Variants in LINGO1 observed in about 807,000 individuals in gnomAD.
The protein encoded by LINGO1 is leucine-rich repeat and immunoglobulin-like domain-containing nogo receptor-interacting protein 1.
LINGO1 carries 11 observed loss-of-function variants against 37.3 expected under a neutral mutation model. That is an observed-to-expected ratio of 0.29 (90% CI 0.19 to 0.49). The LOEUF is 0.49. Among genes scored for constraint, LINGO1 ranks in the 20% least tolerant of loss-of-function variants. LINGO1 has a pLI of 0.99. For synonymous variants in LINGO1, 387 were observed against 403.0 expected (o/e 0.96, Z 0.48); for missense variants, 585 against 878.2 (o/e 0.67, Z 4.22).
chr15:77,691,782 T>C (rs1455760574), intron 1 of LINGO1, among the ~76,000 whole-genome samples: 1 of 151,852 alleles, frequency 6.6e-6, no homozygotes, highest in Non-Finnish European at 1.5e-5. Context: ...CCATTAAAAA[T>C]GATCAAGCAG....
chr15:77,776,107 T>C (rs909970096), intron 1 of LINGO1, among the ~76,000 whole-genome samples: 1 of 152,000 alleles, frequency 6.6e-6, no homozygotes, highest in East Asian at 1.9e-4. Context: ...TTTATGACAT[T>C]ACCCAAAAGC....
intron 1 of LINGO1, among the ~76,000 whole-genome samples, chr15:77,815,488 C>T (rs901683596): frequency 6.6e-6 from 1 of 152,200 alleles, no homozygotes; most frequent in Admixed American, 6.5e-5. Flanking sequence ...TTACAAAATC[C>T]CACTCAAACT....
intron 2 of LINGO1, among the ~76,000 whole-genome samples, chr15:77,703,157 T>C (rs965212088): frequency 3.3e-5 from 5 of 152,214 alleles, no homozygotes; most frequent in African/African-American, 4.8e-5. Context: ...TCCTTCTTCA[T>C]GTCAGCAGGG....
intron 3 of LINGO1, among the ~76,000 whole-genome samples, chr15:77,662,710 G>T (rs1214206380): frequency 4.6e-5 from 7 of 152,148 alleles, no homozygotes; most frequent in African/African-American, 1.7e-4. Context: ...AAGCCAGAAG[G>T]TCTCTGGTTC....
At chr15:77,745,125 T>TAA (rs74707319) in intron 1 of LINGO1, among the ~76,000 whole-genome samples, 62 of 91,038 alleles carry the variant, frequency 6.8e-4, no homozygotes, top group African/African-American at 2.3e-3. Context: ...GACTCTGTCT[T>TAA]AAAAAAAAAA....
intron 3 of LINGO1, among the ~76,000 whole-genome samples, chr15:77,654,979 GT>G (rs1472283512): frequency 1.3e-5 from 2 of 152,210 alleles, no homozygotes; most frequent in African/African-American, 4.8e-5. Context: ...CTTCTCTCCT[GT>G]TTTCCCTAGA....
At chr15:77,807,844 G>A (rs565293726) in intron 1 of LINGO1, among the ~76,000 whole-genome samples, 7 of 152,152 alleles carry the variant, frequency 4.6e-5, no homozygotes, top group South Asian at 4.2e-4. Context: ...TCCAGCGTTC[G>A]TTTGTATCAA....
chr15:77,652,862 T>C (rs1596052601), intron 3 of LINGO1, among the ~76,000 whole-genome samples: 1 of 152,188 alleles, frequency 6.6e-6, no homozygotes, highest in Non-Finnish European at 1.5e-5. Flanking sequence ...TGTGCCTCTG[T>C]CGCCCCACCT....
chr15:77,783,511 A>T (rs536323401), intron 1 of LINGO1, among the ~76,000 whole-genome samples: 1 of 152,262 alleles, frequency 6.6e-6, no homozygotes, highest in East Asian at 1.9e-4. Flanking sequence ...AACAGAATCT[A>T]TAATCAGGGC....
chr15:77,664,166 T>TGCGCGCGCGC (rs1225533245), intron 3 of LINGO1, among the ~76,000 whole-genome samples: 3,746 of 122,532 alleles, frequency 0.031, 79 homozygotes, highest in Non-Finnish European at 0.043. Context: ...TGTGTGTGTG[T>TGCGCGCGCGC]GTGTGCGCGC....
At chr15:77,686,497 C>T (rs796551568) in intron 2 of LINGO1, among the ~76,000 whole-genome samples, 30 of 152,364 alleles carry the variant, frequency 2.0e-4, no homozygotes, top group African/African-American at 6.7e-4. Context: ...CAGGCAGTGC[C>T]TGTGTTTCTG....
intron 1 of LINGO1, among the ~76,000 whole-genome samples, chr15:77,764,255 T>C (rs1031943289): frequency 6.6e-6 from 1 of 152,222 alleles, no homozygotes; most frequent in African/African-American, 2.4e-5. Context: ...TTCTCAGTGA[T>C]AATTTAGCCA....
chr15:77,700,081 T>C (rs2075763107), upstream of LINGO1, among the ~76,000 whole-genome samples: 2 of 152,058 alleles, frequency 1.3e-5, no homozygotes, highest in Non-Finnish European at 2.9e-5. Context: ...AGGAGGTGGC[T>C]GGGGAACCAG....
In LINGO1 at chr15:77,776,504, G is replaced by GGCAGGAAA. The variant is rs1325024579; in HGVS notation, c.-257+10364_-257+10365insTTTCCTGC. 5.0e-3 allele frequency among the ~76,000 whole-genome samples: 367 copies of GGCAGGAAA among 73,496 alleles called. 6 individuals carry two copies. Among genetic ancestry groups the GGCAGGAAA allele is most frequent in the African/African-American group, 0.017 (326 of 18,700 alleles). 48.2% of individuals were successfully genotyped at this position (73,496 alleles called of 152,430 possible). A position where few individuals can be genotyped will look rare whatever the true frequency, so the allele number is the denominator to read the frequency against. On this transcript the variant is annotated intron_variant, in intron 1 of 3. Coordinates refer to the LINGO1 transcript ENST00000561686. Reference sequence around the variant, plus strand: ...AGGCAGGAAAGCAGGAAGGCAGGAAGGCAGGAAGGCAGGAAGGGAGGAAGG... The same window carrying GGCAGGAAA: ...AGGCAGGAAAGCAGGAAGGCAGGAAGGCAGGAAAGCAGGAAGGCAGGAAGGGAGGAAGG...
intron 1 of LINGO1, among the ~76,000 whole-genome samples, chr15:77,773,106 G>A (rs1168498381): frequency 6.6e-6 from 1 of 152,204 alleles, no homozygotes; most frequent in East Asian, 1.9e-4. Context: ...CTGTGGAAAG[G>A]CCAGAGAAGA....
intron 1 of LINGO1, among the ~76,000 whole-genome samples, chr15:77,751,627 G>A (rs1019016615): frequency 3.3e-5 from 5 of 152,122 alleles, no homozygotes; most frequent in African/African-American, 1.2e-4. Flanking sequence ...TCCCTCCTCT[G>A]ATCACTTGGT....
At chr15:77,708,147 T>C (rs2075875133) in intron 2 of LINGO1, among the ~76,000 whole-genome samples, 1 of 152,186 alleles carries the variant, frequency 6.6e-6, no homozygotes, top group Non-Finnish European at 1.5e-5. Context: ...GTGTTAGACA[T>C]CAAGGAAGCT....
chr15:77,640,752 G>A (rs560377183), intron 3 of LINGO1, among the ~76,000 whole-genome samples: 1 of 152,314 alleles, frequency 6.6e-6, no homozygotes, highest in East Asian at 1.9e-4. Flanking sequence ...GCTTCCTGGG[G>A]GAGGAGGGTG....
Position 77,754,171 on chromosome 15 carries a change from G to C in LINGO1, c.-256-19118C>G, listed in dbSNP as rs187331697. 2.3e-3 allele frequency among the ~76,000 whole-genome samples: 352 copies of C among 150,312 alleles called. 1 individual carries two copies. Among genetic ancestry groups the C allele is most frequent in the African/African-American group, 8.3e-3 (340 of 40,890 alleles). ...GGAAGGGAAAGAGTGGGGCAGAAGGGAGAGGGAGGGAGCAGGAGCAAGAGG... is the reference window on the plus strand; with the variant it reads ...GGAAGGGAAAGAGTGGGGCAGAAGGCAGAGGGAGGGAGCAGGAGCAAGAGG... On this transcript the variant is annotated intron_variant, in intron 1 of 3. Transcript: ENST00000561686.
Sources: allele counts gnomAD v4.1 joint callset (sites outside exome capture counted in the v4.1 genomes callset), GRCh38; gene constraint gnomAD v4.1.1; transcripts MANE v1.5; gene names NCBI Gene and HGNC (gene_info 2026-07-23, HGNC 2026-07-21).